Variants in SAMMSON observed in about 807,000 individuals in gnomAD.
The protein encoded by SAMMSON is survival associated mitochondrial melanoma specific oncogenic non-coding RNA, also known as long intergenic non-protein coding RNA 1212.
intron 4 of SAMMSON, among the ~76,000 whole-genome samples, chr3:70,219,213 T>C (rs574922206): frequency 9.4e-4 from 143 of 152,314 alleles, no homozygotes; most frequent in African/African-American, 3.4e-3. Context: ...TCTGCAAATT[T>C]GGGTTTGATA....
intron 7 of SAMMSON, among the ~76,000 whole-genome samples, chr3:70,345,623 TTG>T (rs1410963442): frequency 6.6e-6 from 1 of 152,186 alleles, no homozygotes; most frequent in East Asian, 1.9e-4. Context: ...AAAAAATCCT[TTG>T]TGTTTTAGTT....
At chr3:70,411,617 T>A (rs1359806650) in intron 2 of SAMMSON, among the ~76,000 whole-genome samples, 1 of 152,188 alleles carries the variant, frequency 6.6e-6, no homozygotes, top group African/African-American at 2.4e-5. Context: ...AGGAACCCAG[T>A]GGGAGGTAAT....
intron 6 of SAMMSON, among the ~76,000 whole-genome samples, chr3:70,252,994 C>T (rs75392473): frequency 1.3e-5 from 2 of 152,090 alleles, no homozygotes; most frequent in Admixed American, 1.3e-4. Context: ...GCAAGAGAAT[C>T]GCTTGAACCC....
At chr3:70,038,850 T>C (rs1223558043) in intron 3 of SAMMSON, among the ~76,000 whole-genome samples, 1 of 152,008 alleles carries the variant, frequency 6.6e-6, no homozygotes, top group East Asian at 1.9e-4. Flanking sequence ...TAATAGGAGA[T>C]CATCTTGGGT....
At chr3:70,035,926 A>G (rs1219908318) in intron 3 of SAMMSON, among the ~76,000 whole-genome samples, 1 of 152,226 alleles carries the variant, frequency 6.6e-6, no homozygotes, top group Non-Finnish European at 1.5e-5. Context: ...ATTAAAATAC[A>G]GAATTATAGT....
chr3:70,325,487 C>A (rs1702571823), intron 7 of SAMMSON, among the ~76,000 whole-genome samples: 1 of 152,056 alleles, frequency 6.6e-6, no homozygotes, highest in African/African-American at 2.4e-5. Context: ...AGGAAATAAT[C>A]AACTCAAAAG....
intron 4 of SAMMSON, among the ~76,000 whole-genome samples, chr3:70,213,212 A>G (rs1025928790): frequency 3.3e-5 from 5 of 152,036 alleles, no homozygotes; most frequent in African/African-American, 9.7e-5. Flanking sequence ...GGCTCAAGTG[A>G]TCCTTTCACC....
intron 4 of SAMMSON, chr3:70,205,772 T>G (rs929416023): frequency 1.3e-5 from 2 of 152,146 alleles, no homozygotes; most frequent in African/African-American, 2.4e-5. Context: ...TATTTAAATG[T>G]AGACCAGAAA....
At chr3:70,044,007 T>C (rs2067114940) in intron 3 of SAMMSON, among the ~76,000 whole-genome samples, 1 of 152,076 alleles carries the variant, frequency 6.6e-6, no homozygotes. Flanking sequence ...TGCAGCAAAA[T>C]ATATATAAAT....
intron 4 of SAMMSON, among the ~76,000 whole-genome samples, chr3:70,090,855 C>T (rs1404957768): frequency 1.3e-5 from 2 of 151,544 alleles, no homozygotes; most frequent in African/African-American, 4.8e-5. Flanking sequence ...AATACTAAAG[C>T]TGCCTGAATC....
intron 4 of SAMMSON, among the ~76,000 whole-genome samples, chr3:70,175,295 A>T (rs752778551): frequency 6.6e-6 from 1 of 152,054 alleles, no homozygotes; most frequent in African/African-American, 2.4e-5. Context: ...CTCTCCCCCT[A>T]GTCTAATACA....
intron 4 of SAMMSON, among the ~76,000 whole-genome samples, chr3:70,128,253 T>G (rs1419368488): frequency 6.6e-6 from 1 of 152,050 alleles, no homozygotes; most frequent in Non-Finnish European, 1.5e-5. Context: ...CCCTTATTCC[T>G]CTCCCGAACC....
chr3:70,091,459 C>T (rs1297587927), intron 4 of SAMMSON, among the ~76,000 whole-genome samples: 1 of 152,094 alleles, frequency 6.6e-6, no homozygotes, highest in Non-Finnish European at 1.5e-5. Flanking sequence ...ACTGCTGCAG[C>T]CAAAATAATT....
chr3:70,433,358 T>C (rs1701431135), intron 2 of SAMMSON, among the ~76,000 whole-genome samples: 1 of 152,164 alleles, frequency 6.6e-6, no homozygotes, highest in Admixed American at 6.5e-5. Context: ...GTCATTCTAA[T>C]AGGTGTGCAC....
At chr3:70,220,908 A>G (rs1276972236) in intron 4 of SAMMSON, among the ~76,000 whole-genome samples, 2 of 152,086 alleles carry the variant, frequency 1.3e-5, no homozygotes, top group Non-Finnish European at 2.9e-5. Flanking sequence ...GGCATTCCTG[A>G]GCTTAGCACA....
chr3:70,310,778 T>C (rs913868865), intron 7 of SAMMSON, among the ~76,000 whole-genome samples: 3 of 152,296 alleles, frequency 2.0e-5, no homozygotes, highest in East Asian at 1.9e-4. Flanking sequence ...GAAAACATTT[T>C]TGAGCACAGA....
intron 6 of SAMMSON, among the ~76,000 whole-genome samples, chr3:70,250,829 T>C (rs143758237): frequency 1.3e-5 from 2 of 152,272 alleles, no homozygotes; most frequent in African/African-American, 4.8e-5. Context: ...CACAGTTCTT[T>C]TCAGGGAAAG....
chr3:70,287,958 T>G (rs2106689163), intron 6 of SAMMSON, among the ~76,000 whole-genome samples: 1 of 152,340 alleles, frequency 6.6e-6, no homozygotes. Context: ...TTTTTTTCTT[T>G]ATTAGTCTTG....
At chr3:70,271,772 T>G (rs1701977222) in intron 6 of SAMMSON, 1 of 152,184 alleles carries the variant, frequency 6.6e-6, no homozygotes, top group Non-Finnish European at 1.5e-5. Context: ...TTTTATTTAT[T>G]TATTTATTTC....
Sources: gnomAD v4.1 joint callset for allele counts (sites outside exome capture counted in the v4.1 genomes callset) on GRCh38, gnomAD v4.1.1 for gene constraint, MANE v1.5 for transcripts, NCBI Gene and HGNC (gene_info 2026-07-23, HGNC 2026-07-21) for gene names.